The following PPFIA1 variants were observed in gnomAD, a reference collection of about 807,000 sequenced individuals.
PPFIA1 encodes PPFI scaffold protein A1.
A neutral mutation model predicts 149.9 loss-of-function variants in PPFIA1; 25 were observed. The observed-to-expected ratio is 0.17, with a 90% CI of 0.12 to 0.23. The LOEUF is 0.23. Among genes scored for constraint, PPFIA1 ranks in the 10% least tolerant of loss-of-function variants. The pLI is 1.00. For missense variants in PPFIA1, 1,362 were observed against 1,506.5 expected, an observed-to-expected ratio of 0.90 and a Z score of 1.59; for synonymous variants, 549 against 552.8, an observed-to-expected ratio of 0.99 and a Z score of 0.10.
chr11:70,350,588 G>T (rs2055996581), intron 16 of PPFIA1, among the ~76,000 whole-genome samples: 1 of 152,116 alleles, frequency 6.6e-6, no homozygotes, highest in South Asian at 2.1e-4. Flanking sequence ...CTAAAAGTAG[G>T]TTTGTTCAGT....
At chr11:70,327,884 C>T (rs1225734757) in intron 7 of PPFIA1, among the ~76,000 whole-genome samples, 1 of 152,186 alleles carries the variant, frequency 6.6e-6, no homozygotes, top group Non-Finnish European at 1.5e-5. Context: ...TCAGGCGCCT[C>T]AACCGTTGAA....
chr11:70,331,954 T>A lies in PPFIA1; in HGVS notation c.1078-6T>A. 6.2e-7 allele frequency: 1 copy of A among 1,604,718 alleles called. No individual in the cohort carries two copies. The highest frequency in any genetic ancestry group is 8.5e-7 in the Non-Finnish European group (1 of 1,177,202). The stretch of plus-strand genomic sequence containing the variant: ...TGCATTTTGATGCTTTGCTCTCATT[T>A]TATAGACTGAAGATAAAAACCGCCA... On this transcript the variant is annotated splice_region_variant and splice_polypyrimidine_tract_variant and intron_variant, in intron 8 of 27. Coordinates refer to ENST00000253925, the MANE Select transcript of PPFIA1 (RefSeq NM_003626.5).
chr11:70,381,630 C>T (rs760714862), intron 26 of PPFIA1, among the ~76,000 whole-genome samples: 3 of 152,178 alleles, frequency 2.0e-5, no homozygotes, highest in East Asian at 3.9e-4. Flanking sequence ...GTCTTGTACC[C>T]GACGTCGTTG....
At chr11:70,354,250 A>G in intron 16 of PPFIA1, 51 bp from the exon 17 acceptor site, 1 of 1,543,976 alleles carries the variant, frequency 6.5e-7, no homozygotes, top group Non-Finnish European at 8.8e-7. Flanking sequence ...TTAAGGCCTG[A>G]GTTTTTCACA....
In PPFIA1 at chr11:70,337,440, TCTC is replaced by T. The variant is rs1266860569; in HGVS notation, c.1491+14_1491+16del. On this transcript the variant is annotated intron_variant, in intron 12 of 27. Coordinates refer to ENST00000253925, the MANE Select transcript of PPFIA1 (RefSeq NM_003626.5). ...ACAACACGATAAGGTACTGAAATCT[TCTC>T]TAAATCCATGAAGAGCCAAGTTGAA... The T allele has an allele frequency of 3.2e-6, 5 of 1,569,142 alleles. No individual in the cohort carries two copies. Among genetic ancestry groups the T allele is most frequent in the Non-Finnish European group, 8.7e-7 (1 of 1,153,138 alleles).
At chr11:70,349,612 T>G (rs942671924) in intron 16 of PPFIA1, among the ~76,000 whole-genome samples, 6 of 152,240 alleles carry the variant, frequency 3.9e-5, no homozygotes, top group Admixed American at 1.3e-4. Flanking sequence ...TTTAGTTGTG[T>G]TGTTAGCCAG....
Position 70,327,969 on chromosome 11 carries a change from T to C in PPFIA1, c.930+1151T>C, listed in dbSNP as rs1455488999. Reference sequence around the variant, plus strand: ...ATTCACCACAGGAAGAACATTTGCATGTAGTATGTCACCTAAGGTTCTATT... The same window carrying C: ...ATTCACCACAGGAAGAACATTTGCACGTAGTATGTCACCTAAGGTTCTATT... On this transcript the variant is annotated intron_variant, in intron 7 of 27. Coordinates refer to ENST00000253925, the MANE Select transcript of PPFIA1 (RefSeq NM_003626.5). Among the ~76,000 whole-genome samples, 3 of 152,228 alleles carry C rather than the reference T, an allele frequency of 2.0e-5. No homozygotes were observed. The East Asian group carries it at 5.8e-4, about 29-fold the overall frequency.
At chr11:70,348,167 G>T in intron 15 of PPFIA1, 22 bp from the exon 16 acceptor site, 1 of 1,610,244 alleles carries the variant, frequency 6.2e-7, no homozygotes, top group South Asian at 1.1e-5. Context: ...CAGGAGGACT[G>T]ACTGCTTTTG....
At chr11:70,308,074 G>A (rs558096380) in intron 2 of PPFIA1, among the ~76,000 whole-genome samples, 8 of 152,326 alleles carry the variant, frequency 5.3e-5, no homozygotes, top group African/African-American at 1.9e-4. Context: ...TTGAGATGGA[G>A]TTTTGCTCTT....
intron 23 of PPFIA1, 149 bp from the exon 24 acceptor site, chr11:70,374,769 G>T (rs565071173): frequency 4.7e-6 from 3 of 641,752 alleles, no homozygotes; most frequent in Admixed American, 3.5e-5. Flanking sequence ...GCAGCAAATG[G>T]TTGTCTATTT....
At chr11:70,382,874 G>A (rs2135510404) in intron 27 of PPFIA1, 129 bp from the exon 28 acceptor site, 1 of 304,134 alleles carries the variant, frequency 3.3e-6, no homozygotes, top group East Asian at 1.5e-4. Context: ...CTACGGCACA[G>A]AAAGTGAGGG....
chr11:70,332,602 G>A (rs757638145), intron 9 of PPFIA1, among the ~76,000 whole-genome samples: 2 of 152,132 alleles, frequency 1.3e-5, no homozygotes, highest in Non-Finnish European at 2.9e-5. Flanking sequence ...TCCAACAACT[G>A]TTGACTAGGC....
chr11:70,349,868 T>A, intron 16 of PPFIA1: 1 of 455,342 alleles, frequency 2.2e-6, no homozygotes, highest in Non-Finnish European at 4.4e-6. Context: ...TGACAGTCTC[T>A]ATGCTTCCGT....
At chr11:70,362,063 T>A in intron 19 of PPFIA1, 32 bp from the exon 20 acceptor site, 1 of 1,596,038 alleles carries the variant, frequency 6.3e-7, no homozygotes, top group Non-Finnish European at 8.6e-7. Flanking sequence ...GCCTGGCTGA[T>A]TCTTTAATTT....
chr11:70,274,340 T>C (rs2050261304), intron 2 of PPFIA1, among the ~76,000 whole-genome samples: 1 of 152,146 alleles, frequency 6.6e-6, no homozygotes, highest in African/African-American at 2.4e-5. Flanking sequence ...CAGTGGACTT[T>C]TCACAAAGTT....
chr11:70,324,260 C>T (rs2054134834), intron 2 of PPFIA1, 142 bp from the exon 3 acceptor site: 3 of 579,460 alleles, frequency 5.2e-6, no homozygotes, highest in Non-Finnish European at 9.2e-6. Context: ...CATTGATGCC[C>T]TCTTTCTCTG....
chr11:70,356,014 C>T (rs896137411), intron 18 of PPFIA1, 147 bp from the exon 19 acceptor site: 41 of 1,006,142 alleles, frequency 4.1e-5, no homozygotes, highest in Admixed American at 8.7e-5. Flanking sequence ...TGAGCATTTC[C>T]GTCTTGGGCA....
At chr11:70,345,957 G>A in intron 15 of PPFIA1, 1 of 455,290 alleles carries the variant, frequency 2.2e-6, no homozygotes, top group South Asian at 1.6e-5. Context: ...CTCCACTCCA[G>A]TGTTCCTTTC....
At chr11:70,286,772 T>G (rs1245927425) in intron 2 of PPFIA1, among the ~76,000 whole-genome samples, 2 of 149,378 alleles carry the variant, frequency 1.3e-5, no homozygotes, top group Non-Finnish European at 3.0e-5. Flanking sequence ...TTTTTTTTTT[T>G]TTTGAGACAG....
Sources: allele counts gnomAD v4.1 joint callset (sites outside exome capture counted in the v4.1 genomes callset), GRCh38; gene constraint gnomAD v4.1.1; transcripts MANE v1.5; gene names NCBI Gene and HGNC (gene_info 2026-07-23, HGNC 2026-07-21).